Variants in FXR2 observed in about 807,000 individuals in gnomAD.
FXR2 encodes FMR1 autosomal homolog 2, also known as RNA-binding protein FXR2.
In FXR2, 9 loss-of-function variants were observed where a neutral mutation model predicts 87.3. The ratio of observed to expected loss-of-function variants is 0.10; its 90% CI spans 0.06 to 0.18. The LOEUF is 0.18. Among genes scored for constraint, FXR2 ranks in the 10% least tolerant of loss-of-function variants. The pLI is 1.00. For synonymous variants in FXR2, 331 were observed against 328.3 expected, an observed-to-expected ratio of 1.01 and a Z score of -0.09; for missense variants, 661 against 893.6, an observed-to-expected ratio of 0.74 and a Z score of 3.32.
intron 3 of FXR2, among the ~76,000 whole-genome samples, chr17:7,605,385 A>G (rs1241223677): frequency 3.3e-5 from 5 of 152,166 alleles, no homozygotes; most frequent in African/African-American, 4.8e-5. Context: ...CAACAACAAC[A>G]ACAACAAAAA....
chr17:7,606,361 G>A (rs939561715), intron 1 of FXR2, among the ~76,000 whole-genome samples: 1 of 152,036 alleles, frequency 6.6e-6, no homozygotes. Context: ...AGAGGTGTAT[G>A]TACCACCTGC....
chr17:7,591,730 CT>C lies in FXR2; in HGVS notation c.*99del. 3 of 753,374 alleles carry C rather than the reference CT, an allele frequency of 4.0e-6. No individual in the cohort carries two copies. The highest frequency in any genetic ancestry group is 7.2e-6 in the Non-Finnish European group (3 of 416,928). The allele number at this position is 753,374 out of a possible 1,614,324, so 46.7% of individuals were successfully genotyped here. ...AGCTGCTGTGCCACCCCCCTCCCCC[CT>C]AGATAAGAGCAGCTCCAGCGCAGGT... is the stretch of plus-strand genomic sequence containing the variant. On this transcript the variant is annotated 3_prime_UTR_variant, in exon 17 of 17. Transcript: ENST00000250113. This position sits in a 1 kb window ranked among gnomAD's most constrained non-coding sequence, Gnocchi z 4.0.
intron 1 of FXR2, among the ~76,000 whole-genome samples, chr17:7,610,021 T>TATGTATACATATATATACATGC (rs1567754089): frequency 2.9e-5 from 3 of 101,864 alleles, no homozygotes; most frequent in African/African-American, 1.1e-4. Flanking sequence ...TATATACATG[T>TATGTATACATATATATACATGC]ATATGTATAC....
In FXR2 at chr17:7,592,394, T is replaced by C. The variant is rs1290000401; in HGVS notation, c.1826-40A>G. ...AGATTAAGACTTTCAGATGGAATTC[T>C]GGTAGCCAGCCTAAGACACCCACTG... is the stretch of plus-strand genomic sequence containing the variant. On this transcript the variant is annotated intron_variant, in intron 15 of 16. Transcript: ENST00000250113. This position sits in a 1 kb window ranked among gnomAD's most constrained non-coding sequence, Gnocchi z 4.8. 6.4e-7 allele frequency: 1 copy of C among 1,560,858 alleles called. No individual in the cohort carries two copies. Among genetic ancestry groups the C allele is most frequent in the Admixed American group, 1.7e-5 (1 of 59,960 alleles).
At chr17:7,600,540 G>A in intron 7 of FXR2, among the ~76,000 whole-genome samples, 1 of 152,140 alleles carries the variant, frequency 6.6e-6, no homozygotes, top group South Asian at 2.1e-4. Flanking sequence ...GCTCACACCT[G>A]TAATCCTAGC....
rs754587605 is a variant in FXR2 at position 7,601,443 on chromosome 17, A to G, written c.626T>C (p.Met209Thr). 2 of 1,612,152 alleles carry G rather than the reference A, an allele frequency of 1.2e-6. No homozygotes were observed. The highest frequency in any genetic ancestry group is 1.3e-5 in the African/African-American group (1 of 74,978). ...CTTGGTAGCTTCTTCATTGCGGGACATAAGTAGCAGTTTGGTGCGCAGGCT... is the reference window on the plus strand; with the variant it reads ...CTTGGTAGCTTCTTCATTGCGGGACGTAAGTAGCAGTTTGGTGCGCAGGCT... ...FRSLRTKLLL[M>T]SRNEEATKHL... The change falls in exon 7 of 17, where the codon ATG becomes ACG. Residue 209 changes from methionine (M) to threonine (T), a missense_variant. Transcript: ENST00000250113.
rs1597881397 is a variant in FXR2, at chr17:7,610,008, A to ATATATATACATGTATATGTATACATG, written c.82-3885_82-3860dup. Among the ~76,000 whole-genome samples, 5 of 75,642 alleles carry ATATATATACATGTATATGTATACATG rather than the reference A, an allele frequency of 6.6e-5. No individual in the cohort carries two copies. The East Asian group carries it at 1.3e-3, about 20-fold the overall frequency. 49.6% of individuals were successfully genotyped at this position (75,642 alleles called of 152,430 possible). On this transcript the variant is annotated intron_variant, in intron 1 of 16. Transcript: ENST00000250113. The stretch of plus-strand genomic sequence containing the variant: ...TATATATACATGTATATGTATACAT[A>ATATATATACATGTATATGTATACATG]TATATATACATGTATATGTATACAT...
chr17:7,596,074 T>G, intron 7 of FXR2, 80 bp from the exon 8 acceptor site: 1 of 1,034,452 alleles, frequency 9.7e-7, no homozygotes, highest in Admixed American at 2.0e-5. Context: ...ATAACTTAAA[T>G]AAGGAAAACT....
At position 7,598,053 on chromosome 17, in the gene FXR2, C is replaced by T. The variant is rs561975698; in HGVS notation, c.661-2059G>A. Among the ~76,000 whole-genome samples the T allele has an allele frequency of 9.9e-5, 15 of 151,962 alleles. No individual in the cohort carries two copies. In the South Asian group the frequency reaches 2.3e-3, roughly 23 times the overall value. ...ACATAAAACTACTCTCTCTCTCTTC[C>T]TTTAGCACTCCAGTTCAAGTTTCTC... On this transcript the variant is annotated intron_variant, in intron 7 of 16. Transcript: ENST00000250113.
At position 7,593,826 on chromosome 17, in the gene FXR2, G is replaced by C. The variant is rs1228728077; in HGVS notation, c.1107+92C>G. 6.5e-6 allele frequency: 6 copies of C among 921,664 alleles called. No individual in the cohort carries two copies. Among genetic ancestry groups the C allele is most frequent in the African/African-American group, 4.9e-5 (3 of 61,288 alleles). The allele number at this position is 921,664 out of a possible 1,614,324, so 57.1% of individuals were successfully genotyped here. A position where few individuals can be genotyped will look rare whatever the true frequency, so the allele number is the denominator to read the frequency against. ...AGATGTTTTCTGTTCTACACGGAGA[G>C]ACAAACAGAGAACCAAAATCCCTGA... On this transcript the variant is annotated intron_variant, in intron 11 of 16. Transcript: ENST00000250113. This position sits in a 1 kb window ranked among gnomAD's most constrained non-coding sequence, Gnocchi z 6.1.
At chr17:7,598,682 A>G (rs1462553417) in intron 7 of FXR2, among the ~76,000 whole-genome samples, 1 of 152,182 alleles carries the variant, frequency 6.6e-6, no homozygotes, top group Non-Finnish European at 1.5e-5. Context: ...TGGACGACAG[A>G]ATGAGACTCC....
chr17:7,609,311 C>T lies in FXR2; in HGVS notation c.82-3162G>A, dbSNP rs148482113. ...CACTTACCAGATTGCTATTTCCTTA[C>T]GATGGGAAAATCTAAGCCTGCATTT... On this transcript the variant is annotated intron_variant, in intron 1 of 16. Coordinates refer to ENST00000250113, the MANE Select transcript of FXR2 (RefSeq NM_004860.4). Among the ~76,000 whole-genome samples the T allele has an allele frequency of 1.3e-3, 192 of 152,268 alleles. 1 individual carries two copies. The highest frequency in any genetic ancestry group is 4.3e-3 in the African/African-American group (180 of 41,556).
rs572630875 is a variant in FXR2 at position 7,592,542 on chromosome 17, T to A, written c.1787A>T (p.Asn596Ile). 3.7e-6 allele frequency: 6 copies of A among 1,613,966 alleles called. No individual in the cohort carries two copies. The South Asian group carries it at 6.6e-5, about 18-fold the overall frequency. Residue 596 changes from asparagine to isoleucine, a missense_variant, in exon 15 of 17, where the codon AAT becomes ATT. By Grantham distance (149) the Asn-to-Ile change is moderately radical. This residue lies in a region of FXR2 where 409 missense variants were observed against 432.0 expected (regional missense o/e 0.95). Transcript: ENST00000250113. This position sits in a 1 kb window ranked among gnomAD's most constrained non-coding sequence, Gnocchi z 4.8. ...TCCACTGATAGAGCCATCAGTCCGA[T>A]TACCACGGTTACGGCGGCGGCGGCT... ...NRSRRRRNRG[N>I]RTDGSISGDR...
chr17:7,605,510 T>C (rs746339398), intron 3 of FXR2, 135 bp downstream of exon 3: 32 of 582,546 alleles, frequency 5.5e-5, no homozygotes, highest in Non-Finnish European at 9.4e-5. Context: ...AGGGGAACTG[T>C]TGCATTTTAC....
intron 1 of FXR2, chr17:7,614,152 C>G: frequency 1.6e-6 from 1 of 619,596 alleles, no homozygotes; most frequent in Non-Finnish European, 3.0e-6. Flanking sequence ...CAATTAGAAG[C>G]TGGGTAAAGG....
intron 1 of FXR2, among the ~76,000 whole-genome samples, chr17:7,611,249 C>T (rs1045708266): frequency 3.9e-5 from 6 of 151,950 alleles, no homozygotes; most frequent in Admixed American, 6.6e-5. Context: ...CTCCCTCAAC[C>T]CTTGTTACGG....
At position 7,605,648 on chromosome 17, in the gene FXR2, C is replaced by T. The variant is rs1487123330; in HGVS notation, c.225G>A (p.Val75=). 3 of 1,483,858 alleles carry T rather than the reference C, an allele frequency of 2.0e-6. No homozygotes were observed. The highest frequency in any genetic ancestry group is 2.8e-6 in the Non-Finnish European group (3 of 1,062,886). 91.9% of individuals were successfully genotyped at this position (1,483,858 alleles called of 1,614,324 possible). A position where few individuals can be genotyped will look rare whatever the true frequency, so the allele number is the denominator to read the frequency against. ...YNKEITEGDE[V]EVYSRANEQE... ...AGGTGTACTCCACAGCCCTTACCTC[C>T]ACTTCATCCCCTTCTGTGATCTCCT... Residue 75 remains valine, a synonymous_variant, in exon 3 of 17, where the codon GTG becomes GTA. Transcript: ENST00000250113.
chr17:7,601,299 A>G (rs990177866), intron 7 of FXR2, 110 bp downstream of exon 7: 4 of 682,854 alleles, frequency 5.9e-6, no homozygotes, highest in Non-Finnish European at 1.1e-5. Flanking sequence ...TTAATTGCCC[A>G]GAAAAAGCCT....
At chr17:7,609,228 C>G (rs1448377312) in intron 1 of FXR2, among the ~76,000 whole-genome samples, 2 of 152,202 alleles carry the variant, frequency 1.3e-5, no homozygotes, top group Admixed American at 1.3e-4. Flanking sequence ...AGAGAAAACA[C>G]CAAAAATGCC....
Sources: gnomAD v4.1 joint callset for allele counts (sites outside exome capture counted in the v4.1 genomes callset) on GRCh38, gnomAD v4.1.1 for gene constraint, gnomAD v4.1.1 regional missense constraint, Gnocchi (gnomAD v3.1) non-coding constraint, MANE v1.5 for transcripts, NCBI Gene and HGNC (gene_info 2026-07-23, HGNC 2026-07-21) for gene names.